ADCY9: variants seen among roughly 807,000 people sequenced by gnomAD.
The protein encoded by ADCY9 is adenylate cyclase 9.
A neutral mutation model predicts 101.5 loss-of-function variants in ADCY9; 50 were observed. The observed-to-expected ratio is 0.49, with a 90% CI of 0.39 to 0.62. The LOEUF is 0.62. ADCY9 is among the 20% of genes least tolerant of loss of function. The pLI is 0.00. For synonymous variants in ADCY9, 905 were observed against 769.3 expected (o/e 1.18, Z -2.92); for missense variants, 1,662 against 1,800.4 (o/e 0.92, Z 1.39).
At chr16:4,072,282 T>C (rs1375984126) in intron 2 of ADCY9, among the ~76,000 whole-genome samples, 1 of 152,216 alleles carries the variant, frequency 6.6e-6, no homozygotes, top group Non-Finnish European at 1.5e-5. Flanking sequence ...AGTAGCTCCA[T>C]CGTGGATGCT....
chr16:3,978,388 G>T (rs1008754814), intron 8 of ADCY9, among the ~76,000 whole-genome samples: 1 of 152,192 alleles, frequency 6.6e-6, no homozygotes, highest in Non-Finnish European at 1.5e-5. Flanking sequence ...CGGCCGTGCT[G>T]GTTCCCTCTC....
At chr16:4,099,179 C>T (rs986633798) in intron 2 of ADCY9, among the ~76,000 whole-genome samples, 20 of 152,198 alleles carry the variant, frequency 1.3e-4, no homozygotes, top group African/African-American at 3.4e-4. Context: ...GTGATCCACC[C>T]GCCTCAGCTT....
intron 2 of ADCY9, among the ~76,000 whole-genome samples, chr16:4,047,955 A>G (rs544619535): frequency 6.6e-6 from 1 of 152,286 alleles, no homozygotes; most frequent in East Asian, 1.9e-4. Context: ...CCTGGGAGTG[A>G]GCCCTGGAGG....
At chr16:4,043,431 T>C (rs374257594) in intron 2 of ADCY9, among the ~76,000 whole-genome samples, 33 of 152,148 alleles carry the variant, frequency 2.2e-4, no homozygotes, top group African/African-American at 7.2e-4. Context: ...CCCAGCACTT[T>C]GGGAAGCCGA....
intron 2 of ADCY9, among the ~76,000 whole-genome samples, chr16:4,070,249 AT>A (rs5815193): frequency 0.31 from 47,345 of 151,786 alleles, 7,951 homozygotes; most frequent in South Asian, 0.43. Context: ...TATCGTTATA[AT>A]TTTCACGCAT....
intron 2 of ADCY9, among the ~76,000 whole-genome samples, chr16:4,098,294 G>A (rs2057021329): frequency 6.6e-6 from 1 of 151,774 alleles, no homozygotes; most frequent in South Asian, 2.1e-4. Flanking sequence ...AGGCTGGAAT[G>A]TAGTGGTGCA....
At chr16:3,986,561 G>A (rs528431453) in intron 6 of ADCY9, among the ~76,000 whole-genome samples, 7 of 152,228 alleles carry the variant, frequency 4.6e-5, no homozygotes, top group African/African-American at 1.2e-4. Context: ...GGGTTCAGGC[G>A]ATTTTCCTGT....
chr16:4,013,771 C>T (rs2056419433), intron 2 of ADCY9, among the ~76,000 whole-genome samples: 1 of 152,132 alleles, frequency 6.6e-6, no homozygotes, highest in East Asian at 1.9e-4. Flanking sequence ...TAGCCAAAGC[C>T]TATGGAGTCA....
At chr16:4,062,299 A>G (rs1174230135) in intron 2 of ADCY9, among the ~76,000 whole-genome samples, 2 of 152,252 alleles carry the variant, frequency 1.3e-5, no homozygotes, top group Admixed American at 1.3e-4. Context: ...GAAAATATCT[A>G]TTTAACACAA....
intron 6 of ADCY9, chr16:3,984,284 C>A (rs894404720): frequency 2.0e-5 from 3 of 152,268 alleles, no homozygotes; most frequent in Non-Finnish European, 2.9e-5. Context: ...GGTGCGAAAG[C>A]GGGGCTTCGT....
At chr16:4,086,575 G>C (rs1223293061) in intron 2 of ADCY9, among the ~76,000 whole-genome samples, 3 of 152,090 alleles carry the variant, frequency 2.0e-5, no homozygotes, top group African/African-American at 7.2e-5. Context: ...TTAGGGGACA[G>C]CTCACTCTCA....
chr16:3,968,948 C>CA (rs1272059200), intron 10 of ADCY9, among the ~76,000 whole-genome samples: 1 of 152,016 alleles, frequency 6.6e-6, no homozygotes, highest in Non-Finnish European at 1.5e-5. Flanking sequence ...TGGGTTCAAG[C>CA]AATTCTCCTG....
intron 3 of ADCY9, among the ~76,000 whole-genome samples, chr16:3,999,641 C>T (rs1418261383): frequency 1.3e-5 from 2 of 152,232 alleles, no homozygotes; most frequent in Admixed American, 6.5e-5. Context: ...AGCAGCACGC[C>T]TGGCGGGCCA....
intron 2 of ADCY9, among the ~76,000 whole-genome samples, chr16:4,047,003 C>T (rs1476558305): frequency 6.6e-6 from 1 of 150,494 alleles, no homozygotes; most frequent in East Asian, 1.9e-4. Flanking sequence ...GAGCAAGACC[C>T]AATCTAAAAC....
intron 6 of ADCY9, 59 bp downstream of exon 6, chr16:3,988,935 G>T: frequency 2.3e-6 from 3 of 1,316,308 alleles, no homozygotes; most frequent in South Asian, 1.2e-5. Context: ...AACAGTGAAT[G>T]ACCATGTGAG....
At chr16:4,044,123 G>C (rs762310651) in intron 2 of ADCY9, among the ~76,000 whole-genome samples, 5 of 152,102 alleles carry the variant, frequency 3.3e-5, no homozygotes, top group Non-Finnish European at 7.3e-5. Context: ...CAGGTGGGCG[G>C]ATCACCTGAG....
At chr16:4,036,331 C>T (rs1463703017) in intron 2 of ADCY9, among the ~76,000 whole-genome samples, 1 of 151,972 alleles carries the variant, frequency 6.6e-6, no homozygotes. Context: ...TCAACACCCC[C>T]TTTTTATTTA....
chr16:4,101,563 C>T (rs1006179943), intron 2 of ADCY9, among the ~76,000 whole-genome samples: 2 of 152,262 alleles, frequency 1.3e-5, no homozygotes, highest in South Asian at 2.1e-4. Flanking sequence ...ATAGACATGA[C>T]CACTGCACCT....
At chr16:4,046,789 C>A (rs1018730709) in intron 2 of ADCY9, among the ~76,000 whole-genome samples, 2 of 151,972 alleles carry the variant, frequency 1.3e-5, no homozygotes, top group African/African-American at 4.8e-5. Flanking sequence ...CCCAGAAGTT[C>A]GAGACCAGCC....
Sources: gnomAD v4.1 joint callset for allele counts (sites outside exome capture counted in the v4.1 genomes callset) on GRCh38, gnomAD v4.1.1 for gene constraint, MANE v1.5 for transcripts, NCBI Gene and HGNC (gene_info 2026-07-23, HGNC 2026-07-21) for gene names.